The following SRGAP3 variants were observed in gnomAD, a reference collection of about 807,000 sequenced individuals.
SRGAP3 encodes the protein SLIT-ROBO Rho GTPase activating protein 3.
Under a neutral mutation model 121.1 loss-of-function variants are expected in SRGAP3, and 39 were observed. The ratio of observed to expected loss-of-function variants is 0.32; its 90% CI spans 0.25 to 0.42. The LOEUF (loss-of-function observed/expected upper bound fraction) is 0.42. SRGAP3 is among the 10% of genes least tolerant of loss of function. The pLI, the probability that SRGAP3 is intolerant of heterozygous loss-of-function variation, is 1.00. For missense variants in SRGAP3, 1,213 were observed against 1,470.6 expected, an observed-to-expected ratio of 0.82 and a Z score of 2.86; for synonymous variants, 601 against 570.0, an observed-to-expected ratio of 1.05 and a Z score of -0.77.
chr3:8,982,884 G>T lies in SRGAP3; in HGVS notation c.*2635C>A, dbSNP rs2124881944. The T allele has an allele frequency of 4.4e-6, 1 of 227,310 alleles. No homozygotes were observed. The highest frequency in any genetic ancestry group is 6.2e-5 in the East Asian group (1 of 16,046). The allele number at this position is 227,310 out of a possible 1,614,324, so 14.1% of individuals were successfully genotyped here. A position where few individuals can be genotyped will look rare whatever the true frequency, so the allele number is the denominator to read the frequency against. On this transcript the variant is annotated 3_prime_UTR_variant, in exon 22 of 22. Transcript: ENST00000383836. ...GCTTAAAGAAAACAGCTAAGACTCTGCCCTCAGAAAATTCAGTGAAAGGCA... is the reference window on the plus strand; with the variant it reads ...GCTTAAAGAAAACAGCTAAGACTCTTCCCTCAGAAAATTCAGTGAAAGGCA...
At chr3:9,051,261 C>T (rs1478154332) in intron 9 of SRGAP3, among the ~76,000 whole-genome samples, 2 of 152,130 alleles carry the variant, frequency 1.3e-5, no homozygotes, top group Admixed American at 6.5e-5. Context: ...TCCTCCTACT[C>T]GGCCTCCCAA....
rs963519480 is a variant in SRGAP3 at position 8,980,722 on chromosome 3, C to T, written c.*4797G>A. ...GGCGTTTGGTCGTAAGGTAGAGAAA[C>T]GATATCCAGAAGAGGGCAACATTTA... is the stretch of plus-strand genomic sequence containing the variant. On this transcript the variant is annotated 3_prime_UTR_variant, in exon 22 of 22. Coordinates refer to ENST00000383836, the MANE Select transcript of SRGAP3 (RefSeq NM_014850.4). 2 of 232,688 alleles carry T rather than the reference C, an allele frequency of 8.6e-6. No homozygotes were observed. Among genetic ancestry groups the T allele is most frequent in the East Asian group, 6.1e-5 (1 of 16,476 alleles). The allele number at this position is 232,688 out of a possible 1,614,324, so 14.4% of individuals were successfully genotyped here.
intron 2 of SRGAP3, among the ~76,000 whole-genome samples, chr3:9,107,436 G>A (rs562856811): frequency 1.3e-5 from 2 of 152,318 alleles, no homozygotes; most frequent in Non-Finnish European, 2.9e-5. Context: ...CCAGGCACGC[G>A]GCCTCTTCTA....
chr3:9,273,737 T>C (rs1198069641), intron 3 of SRGAP3, among the ~76,000 whole-genome samples: 1 of 152,210 alleles, frequency 6.6e-6, no homozygotes, highest in Admixed American at 6.5e-5. Context: ...TTGAAGTCTT[T>C]GAACTATTTG....
chr3:9,287,230 G>C (rs185961019), intron 3 of SRGAP3, among the ~76,000 whole-genome samples: 4 of 152,004 alleles, frequency 2.6e-5, no homozygotes, highest in Admixed American at 2.6e-4. Flanking sequence ...TGGCTCAAGC[G>C]ATCCTCCCAC....
At chr3:9,250,251 C>T (rs1012878248), upstream of SRGAP3, among the ~76,000 whole-genome samples, 12 of 152,250 alleles carry the variant, frequency 7.9e-5, 1 homozygote, top group East Asian at 2.3e-3. Flanking sequence ...TTACTGAATG[C>T]TTACTATAGG....
At chr3:8,998,773 C>T (rs1216301005) in intron 18 of SRGAP3, among the ~76,000 whole-genome samples, 1 of 152,096 alleles carries the variant, frequency 6.6e-6, no homozygotes, top group African/African-American at 2.4e-5. Flanking sequence ...ACAAATTAAG[C>T]TTTTACTGGT....
intron 3 of SRGAP3, among the ~76,000 whole-genome samples, chr3:9,260,840 T>C (rs1043627699): frequency 1.3e-5 from 2 of 152,336 alleles, no homozygotes; most frequent in African/African-American, 4.8e-5. Flanking sequence ...AGCACAGTGC[T>C]TGAGCTCTGC....
At chr3:8,996,802 C>T (rs1360710648) in intron 18 of SRGAP3, among the ~76,000 whole-genome samples, 1 of 152,198 alleles carries the variant, frequency 6.6e-6, no homozygotes, top group Non-Finnish European at 1.5e-5. Flanking sequence ...CAGACAGCTG[C>T]GTGCTCCTGG....
intron 1 of SRGAP3, among the ~76,000 whole-genome samples, chr3:9,188,820 G>A (rs935986135): frequency 6.6e-6 from 1 of 152,286 alleles, no homozygotes; most frequent in Admixed American, 6.5e-5. Context: ...TGCAAATAGG[G>A]AAAGATGCAA....
At chr3:9,094,947 A>G (rs890200608) in intron 3 of SRGAP3, among the ~76,000 whole-genome samples, 2 of 151,830 alleles carry the variant, frequency 1.3e-5, no homozygotes, top group African/African-American at 4.8e-5. Flanking sequence ...TTATCTGTAG[A>G]GTTGGGGTCT....
At chr3:9,211,003 T>C (rs1171253811) in intron 1 of SRGAP3, among the ~76,000 whole-genome samples, 1 of 152,170 alleles carries the variant, frequency 6.6e-6, no homozygotes, top group African/African-American at 2.4e-5. Flanking sequence ...AACAAACAAG[T>C]AATGACAATG....
At chr3:9,184,266 C>T (rs1951526142) in intron 1 of SRGAP3, among the ~76,000 whole-genome samples, 1 of 152,158 alleles carries the variant, frequency 6.6e-6, no homozygotes, top group African/African-American at 2.4e-5. Context: ...TTTAACAAAA[C>T]CTGCTTCAGT....
chr3:9,018,660 G>A (rs17049943), intron 14 of SRGAP3, among the ~76,000 whole-genome samples: 4 of 152,170 alleles, frequency 2.6e-5, no homozygotes, highest in African/African-American at 9.7e-5. Flanking sequence ...ATGTATGATC[G>A]GAGTACATGT....
At chr3:9,248,812 C>G in intron 1 of SRGAP3, 73 bp downstream of exon 1, 2 of 1,467,056 alleles carry the variant, frequency 1.4e-6, no homozygotes, top group East Asian at 4.5e-5. Flanking sequence ...CGGGGGGCAG[C>G]GGGGGATGGG....
intron 1 of SRGAP3, among the ~76,000 whole-genome samples, chr3:9,137,431 C>T (rs113420267): frequency 6.6e-6 from 1 of 152,090 alleles, no homozygotes. Flanking sequence ...CACACTGATT[C>T]TCACCACTAC....
intron 1 of SRGAP3, among the ~76,000 whole-genome samples, chr3:9,151,801 A>G (rs1304229594): frequency 2.0e-5 from 3 of 152,226 alleles, no homozygotes; most frequent in Non-Finnish European, 2.9e-5. Flanking sequence ...GGAGAGCCGA[A>G]GTAAGGAAAG....
chr3:9,055,500 G>A (rs532322275), intron 8 of SRGAP3, among the ~76,000 whole-genome samples: 2 of 152,312 alleles, frequency 1.3e-5, no homozygotes, highest in South Asian at 2.1e-4. Flanking sequence ...TAGAGCCACT[G>A]CACTGGTATT....
At chr3:8,991,245 C>T (rs1008024804) in intron 20 of SRGAP3, among the ~76,000 whole-genome samples, 5 of 152,164 alleles carry the variant, frequency 3.3e-5, no homozygotes, top group Admixed American at 6.5e-5. Flanking sequence ...TCTAATTGGT[C>T]TGAAGCTTTG....
Sources: allele counts gnomAD v4.1 joint callset (sites outside exome capture counted in the v4.1 genomes callset), GRCh38; gene constraint gnomAD v4.1.1; transcripts MANE v1.5; gene names NCBI Gene and HGNC (gene_info 2026-07-23, HGNC 2026-07-21).